The following GFPT1 variants were observed in gnomAD, a reference collection of about 807,000 sequenced individuals.
GFPT1 encodes glutamine--fructose-6-phosphate transaminase 1.
GFPT1 carries 40 observed loss-of-function variants against 92.0 expected under a neutral mutation model. The observed-to-expected ratio is 0.43, with a 90% confidence interval of 0.34 to 0.57. The LOEUF (loss-of-function observed/expected upper bound fraction) is 0.57, where lower values mean the gene tolerates loss of function less well. Ranked by LOEUF, GFPT1 falls within the 20% of genes least tolerant of loss-of-function variation. The probability of loss-of-function intolerance (pLI) is 0.02; values close to 1 mark genes in which losing one functional copy is unlikely to be tolerated. For missense variants in GFPT1, 448 were observed against 869.1 expected, an observed-to-expected ratio of 0.52 and a Z score of 6.09; for synonymous variants, 269 against 280.6, an observed-to-expected ratio of 0.96 and a Z score of 0.41.
chr2:69,333,817 A>G (rs76637619), intron 15 of GFPT1, among the ~76,000 whole-genome samples: 1,799 of 152,316 alleles, frequency 0.012, 33 homozygotes, highest in African/African-American at 0.041. Context: ...GCAAGATCAC[A>G]GAATTCTTCT....
chr2:69,368,156 G>C (rs528134993), intron 3 of GFPT1, among the ~76,000 whole-genome samples: 7 of 152,338 alleles, frequency 4.6e-5, no homozygotes, highest in African/African-American at 1.7e-4. Flanking sequence ...GCCAAGGCGG[G>C]CAGATCACGA....
At chr2:69,380,683 T>C (rs571189685) in intron 1 of GFPT1, among the ~76,000 whole-genome samples, 1 of 152,306 alleles carries the variant, frequency 6.6e-6, no homozygotes, top group African/African-American at 2.4e-5. Context: ...CAGACTACAA[T>C]TTTTCATCAT....
intron 3 of GFPT1, among the ~76,000 whole-genome samples, chr2:69,368,545 T>A (rs142773478): frequency 6.6e-6 from 1 of 152,282 alleles, no homozygotes; most frequent in African/African-American, 2.4e-5. Context: ...CTGGCCAATA[T>A]GGTGAAACCC....
chr2:69,334,950 A>G (rs186907803), intron 15 of GFPT1, among the ~76,000 whole-genome samples: 1 of 152,314 alleles, frequency 6.6e-6, no homozygotes, highest in East Asian at 1.9e-4. Flanking sequence ...TACACTTAAA[A>G]TTGGTGAATA....
At chr2:69,349,359 C>G (rs762203302) in intron 10 of GFPT1, among the ~76,000 whole-genome samples, 2 of 152,180 alleles carry the variant, frequency 1.3e-5, no homozygotes, top group African/African-American at 4.8e-5. Flanking sequence ...TGTAATCTTA[C>G]ACATCTTAGC....
intron 1 of GFPT1, among the ~76,000 whole-genome samples, chr2:69,383,169 G>A (rs374504450): frequency 6.6e-6 from 1 of 152,152 alleles, no homozygotes; most frequent in East Asian, 1.9e-4. Flanking sequence ...GTAAAGAAAG[G>A]TTTCATAATT....
chr2:69,343,067 TA>T (rs1319049976), intron 12 of GFPT1, among the ~76,000 whole-genome samples: 1 of 152,204 alleles, frequency 6.6e-6, no homozygotes, highest in African/African-American at 2.4e-5. Flanking sequence ...AGTGATCCTT[TA>T]AAAACATAAA....
intron 1 of GFPT1, among the ~76,000 whole-genome samples, chr2:69,382,162 C>T (rs1193083420): frequency 6.6e-6 from 1 of 152,156 alleles, no homozygotes; most frequent in Non-Finnish European, 1.5e-5. Context: ...CACACTGGGC[C>T]TTACTCCTAA....
Position 69,336,371 on chromosome 2 carries a change from AAAG to A in GFPT1, c.1482+1524_1482+1526del, listed in dbSNP as rs796829240. On this transcript the variant is annotated intron_variant, in intron 15 of 19. Coordinates refer to ENST00000357308, the MANE Select transcript of GFPT1 (RefSeq NM_001244710.2). The stretch of plus-strand genomic sequence containing the variant: ...AAAAAAAAAAAGAAAAAGAAAAAGA[AAAG>A]AAGAATTTTTATATAAGAATCACAA... 2.6e-5 allele frequency among the ~76,000 whole-genome samples: 4 copies of A among 151,564 alleles called. No homozygotes were observed. In the East Asian group the frequency reaches 7.7e-4, roughly 29 times the overall value.
intron 6 of GFPT1, 58 bp from the exon 7 acceptor site, chr2:69,356,615 C>CAGTATGTTCTAGGCAT: frequency 8.4e-7 from 1 of 1,190,384 alleles, no homozygotes; most frequent in Non-Finnish European, 1.3e-6. Context: ...TCAGAAATGC[C>CAGTATGTTCTAGGCAT]TAGAACATAC....
At chr2:69,376,461 G>GTGAGCCGAGATCGCAC in intron 1 of GFPT1, among the ~76,000 whole-genome samples, 1 of 152,156 alleles carries the variant, frequency 6.6e-6, no homozygotes, top group Non-Finnish European at 1.5e-5. Flanking sequence ...GGAGGTTGCA[G>GTGAGCCGAGATCGCAC]TGAGCCGAGA....
At position 69,356,529 on chromosome 2, in the gene GFPT1, C is replaced by T. The variant is rs1445774342; in HGVS notation, c.572G>A (p.Ser191Asn). 1.2e-6 allele frequency: 2 copies of T among 1,613,522 alleles called. No homozygotes were observed. Among genetic ancestry groups the T allele is most frequent in the Non-Finnish European group, 1.7e-6 (2 of 1,179,580 alleles). ...AACTGCTTGCCCGGGAAAATGAACACTTTTAAACACAAGTGCAAAAGCACC... is the reference window on the plus strand; with the variant it reads ...AACTGCTTGCCCGGGAAAATGAACATTTTTAAACACAAGTGCAAAAGCACC... ...LEGAFALVFK[S>N]VHFPGQAVGT... Residue 191 changes from serine (S) to asparagine (N), a missense_variant, in exon 7 of 20, where the codon AGT becomes AAT. Around this residue, in one of 7 missense-constraint regions of GFPT1, gnomAD observed 118 missense variants for 192.9 expected, o/e 0.61. Coordinates refer to ENST00000357308, the MANE Select transcript of GFPT1 (RefSeq NM_001244710.2).
At chr2:69,366,408 C>T (rs1167266625) in intron 3 of GFPT1, among the ~76,000 whole-genome samples, 1 of 152,082 alleles carries the variant, frequency 6.6e-6, no homozygotes, top group African/African-American at 2.4e-5. Context: ...ATTTTAAAGC[C>T]CTTTGCTGAA....
chr2:69,341,582 G>A (rs902527037), intron 13 of GFPT1, among the ~76,000 whole-genome samples: 8 of 152,086 alleles, frequency 5.3e-5, no homozygotes, highest in African/African-American at 1.2e-4. Flanking sequence ...AGGAAACTAC[G>A]TGGGCAAATA....
chr2:69,358,082 C>A (rs763099784), intron 6 of GFPT1, among the ~76,000 whole-genome samples: 3 of 151,910 alleles, frequency 2.0e-5, no homozygotes, highest in Non-Finnish European at 4.4e-5. Flanking sequence ...TTTAGACACA[C>A]TGATTTTGGA....
chr2:69,374,384 G>A (rs188588950), intron 1 of GFPT1, among the ~76,000 whole-genome samples: 3 of 151,856 alleles, frequency 2.0e-5, no homozygotes, highest in Non-Finnish European at 2.9e-5. Context: ...CACGATCTCG[G>A]CTCACGGCAA....
chr2:69,364,451 A>G (rs1485820290), intron 3 of GFPT1, among the ~76,000 whole-genome samples: 11 of 152,274 alleles, frequency 7.2e-5, no homozygotes, highest in Admixed American at 7.2e-4. Flanking sequence ...TTTTAAATCT[A>G]TATTTAATTC....
intron 4 of GFPT1, among the ~76,000 whole-genome samples, chr2:69,362,476 T>C (rs1671498749): frequency 6.6e-6 from 1 of 152,078 alleles, no homozygotes; most frequent in South Asian, 2.1e-4. Context: ...ATAAATAACA[T>C]TTATTTTTAA....
intron 1 of GFPT1, among the ~76,000 whole-genome samples, chr2:69,380,209 G>A (rs1449970051): frequency 6.6e-6 from 1 of 151,876 alleles, no homozygotes; most frequent in Non-Finnish European, 1.5e-5. Flanking sequence ...GCATGGTGAC[G>A]CGTGCCTGTC....
Sources: allele counts gnomAD v4.1 joint callset (sites outside exome capture counted in the v4.1 genomes callset), GRCh38; gene constraint gnomAD v4.1.1; regional missense constraint gnomAD v4.1.1; transcripts MANE v1.5; gene names NCBI Gene and HGNC (gene_info 2026-07-23, HGNC 2026-07-21).